CNIH3: variants seen among roughly 807,000 people sequenced by gnomAD.
CNIH3 encodes protein cornichon homolog 3.
CNIH3 carries 14 observed loss-of-function variants against 24.1 expected under a neutral mutation model. The observed-to-expected ratio is 0.58, with a 90% CI of 0.38 to 0.91. The LOEUF (loss-of-function observed/expected upper bound fraction) is 0.91, where lower values mean the gene tolerates loss of function less well. CNIH3 is among the 40% of genes least tolerant of loss of function. The probability of loss-of-function intolerance (pLI) is 0.00; values close to 1 mark genes in which losing one functional copy is unlikely to be tolerated. For missense variants in CNIH3, 178 were observed against 196.8 expected (o/e 0.90, Z 0.57); for synonymous variants, 68 against 73.8 (o/e 0.92, Z 0.40).
At chr1:224,670,695 T>G (rs1165701925) in intron 1 of CNIH3, among the ~76,000 whole-genome samples, 3 of 152,176 alleles carry the variant, frequency 2.0e-5, no homozygotes, top group Non-Finnish European at 1.5e-5. Flanking sequence ...AGATGTGGGA[T>G]GCCATGACTC....
At chr1:224,724,284 G>A (rs1286792205) in intron 3 of CNIH3, among the ~76,000 whole-genome samples, 1 of 152,182 alleles carries the variant, frequency 6.6e-6, no homozygotes, top group African/African-American at 2.4e-5. Flanking sequence ...CATGCCATTT[G>A]AGGTTGGCTG....
At chr1:224,701,793 G>A (rs1327818621) in intron 3 of CNIH3, among the ~76,000 whole-genome samples, 1 of 152,202 alleles carries the variant, frequency 6.6e-6, no homozygotes, top group East Asian at 1.9e-4. Flanking sequence ...GGACAGAGAA[G>A]TTAAGTAACA....
chr1:224,740,349 A>G lies in CNIH3; in HGVS notation c.*993A>G, dbSNP rs1689806827. 6.6e-6 allele frequency: 1 copy of G among 152,172 alleles called. No individual in the cohort carries two copies. Among genetic ancestry groups the G allele is most frequent in the African/African-American group, 2.4e-5 (1 of 41,432 alleles). The allele number at this position is 152,172 out of a possible 1,614,324, so 9.4% of individuals were successfully genotyped here. On this transcript the variant is annotated 3_prime_UTR_variant, in exon 6 of 6. Transcript: ENST00000272133. ...ATGCTGGGGGTTGTAAATAATGACA[A>G]GGCTGAGATTTTTATGATGTTTAAA...
At chr1:224,652,044 T>C (rs558065559) in intron 1 of CNIH3, among the ~76,000 whole-genome samples, 73 of 152,284 alleles carry the variant, frequency 4.8e-4, no homozygotes, top group Non-Finnish European at 8.1e-4. Context: ...CTTGTCACAC[T>C]CCTTAGCCAA....
Position 224,730,512 on chromosome 1 carries a change from G to T in CNIH3, c.249G>T (p.Leu83=). The part of the protein sequence containing the change: ...SIHSLFCIMF[L]CAQEWLTLGL... ...ATAGCCTCTTCTGCATTATGTTCCT[G>T]TGTGCGCAAGAGTGGCTCACGCTGG... The change falls in exon 4 of 6, where the codon CTG becomes CTT. Residue 83 remains leucine, a synonymous_variant. Coordinates refer to ENST00000272133, the MANE Select transcript of CNIH3 (RefSeq NM_152495.2). 1.9e-6 allele frequency: 3 copies of T among 1,562,300 alleles called. No homozygotes were observed. The highest frequency in any genetic ancestry group is 2.6e-6 in the Non-Finnish European group (3 of 1,151,744).
At chr1:224,533,380 C>A (rs1679154827) in intron 2 of CNIH3, among the ~76,000 whole-genome samples, 1 of 138,236 alleles carries the variant, frequency 7.2e-6, no homozygotes, top group Non-Finnish European at 1.5e-5. Flanking sequence ...AGAGTGAGAA[C>A]CCGTCTCAAA....
Position 224,604,243 on chromosome 1 carries a change from A to G in CNIH3, n.402+37979A>G, listed in dbSNP as rs915834500. 6.6e-5 allele frequency among the ~76,000 whole-genome samples: 10 copies of G among 152,392 alleles called. No individual in the cohort carries two copies. Among genetic ancestry groups the G allele is most frequent in the African/African-American group, 2.4e-4 (10 of 41,596 alleles). On this transcript the variant is annotated intron_variant and non_coding_transcript_variant, in intron 3 of 7. Transcript: ENST00000478120. The surrounding 1 kb of genome is among the most constrained non-coding windows in gnomAD (Gnocchi z 4.4). ...GCAATAGCCGTTATATGATTTGCCAATCAGAACAGAAATCTTTCAATAGTA... is the reference window on the plus strand; with the variant it reads ...GCAATAGCCGTTATATGATTTGCCAGTCAGAACAGAAATCTTTCAATAGTA...
intron 3 of CNIH3, among the ~76,000 whole-genome samples, chr1:224,716,593 A>G (rs1688442385): frequency 6.6e-6 from 1 of 152,062 alleles, no homozygotes. Context: ...TAGCAGCAGG[A>G]ATGGAAATTT....
chr1:224,738,316 G>A (rs1249842496), intron 5 of CNIH3, among the ~76,000 whole-genome samples: 1 of 152,238 alleles, frequency 6.6e-6, no homozygotes, highest in Non-Finnish European at 1.5e-5. Context: ...AAAAAGCACT[G>A]GCTTTGGAGT....
At chr1:224,729,887 T>C (rs1689232806) in intron 3 of CNIH3, among the ~76,000 whole-genome samples, 1 of 152,194 alleles carries the variant, frequency 6.6e-6, no homozygotes, top group African/African-American at 2.4e-5. Flanking sequence ...CTCTTCATCA[T>C]TGCTAATTGT....
chr1:224,710,937 T>G (rs1688105707), intron 3 of CNIH3, among the ~76,000 whole-genome samples: 1 of 152,216 alleles, frequency 6.6e-6, no homozygotes, highest in Non-Finnish European at 1.5e-5. Context: ...ATGTTTTATC[T>G]CGCTTACCTG....
At chr1:224,470,111 C>T (rs1270729626) in intron 1 of CNIH3, among the ~76,000 whole-genome samples, 3 of 151,556 alleles carry the variant, frequency 2.0e-5, no homozygotes, top group Admixed American at 6.6e-5. Flanking sequence ...CTCTGCTTCC[C>T]GGGTTCATGC....
chr1:224,641,818 T>A (rs753810609), intron 1 of CNIH3, among the ~76,000 whole-genome samples: 3 of 152,228 alleles, frequency 2.0e-5, no homozygotes, highest in Non-Finnish European at 4.4e-5. Context: ...ATCGGGATAA[T>A]GGCTTGCAAC....
intron 1 of CNIH3, among the ~76,000 whole-genome samples, chr1:224,656,077 T>C (rs577670800): frequency 1.3e-5 from 2 of 152,298 alleles, no homozygotes; most frequent in East Asian, 3.9e-4. Flanking sequence ...TGTTGAACAG[T>C]TGGGGCAGTT....
chr1:224,646,169 A>G (rs1684597881), intron 1 of CNIH3, among the ~76,000 whole-genome samples: 1 of 132,346 alleles, frequency 7.6e-6, no homozygotes. Context: ...GTTCAATTCA[A>G]GGTCACGTTT....
intron 1 of CNIH3, among the ~76,000 whole-genome samples, chr1:224,621,379 C>CA (rs1422421662): frequency 3.9e-5 from 6 of 152,050 alleles, no homozygotes; most frequent in Admixed American, 2.0e-4. Flanking sequence ...CACCTGGAAA[C>CA]AAAAAATGGG....
chr1:224,543,467 G>C (rs554559904), intron 2 of CNIH3, among the ~76,000 whole-genome samples: 1 of 152,248 alleles, frequency 6.6e-6, no homozygotes, highest in East Asian at 1.9e-4. Context: ...GTAGCTAGTT[G>C]GTCAGAAGTG....
intron 1 of CNIH3, among the ~76,000 whole-genome samples, chr1:224,672,582 C>T (rs1011913666): frequency 4.6e-5 from 7 of 152,330 alleles, no homozygotes; most frequent in South Asian, 4.1e-4. Context: ...TGATGTTCCT[C>T]GGCTGATAGC....
intron 3 of CNIH3, among the ~76,000 whole-genome samples, chr1:224,707,970 A>G (rs1026842439): frequency 2.0e-5 from 3 of 151,978 alleles, no homozygotes; most frequent in African/African-American, 4.8e-5. Flanking sequence ...AATTCCCACC[A>G]TCTCACTGTT....
Sources: gnomAD v4.1 joint callset for allele counts (sites outside exome capture counted in the v4.1 genomes callset) on GRCh38, gnomAD v4.1.1 for gene constraint, Gnocchi (gnomAD v3.1) non-coding constraint, MANE v1.5 for transcripts, NCBI Gene and HGNC (gene_info 2026-07-23, HGNC 2026-07-21) for gene names.